The following PTH1R variants were observed in gnomAD, a reference collection of about 807,000 sequenced individuals.
PTH1R encodes the protein parathyroid hormone/parathyroid hormone-related peptide receptor.
PTH1R carries 32 observed loss-of-function variants against 70.7 expected under a neutral mutation model. That is an observed-to-expected ratio of 0.45 (90% confidence interval 0.34 to 0.61). The LOEUF is 0.61. PTH1R is among the 20% of genes least tolerant of loss of function. PTH1R has a pLI of 0.01. For missense variants in PTH1R, 626 were observed against 792.5 expected, an observed-to-expected ratio of 0.79 and a Z score of 2.52; for synonymous variants, 329 against 324.8, an observed-to-expected ratio of 1.01 and a Z score of -0.14.
rs1354907510 is a variant in PTH1R at position 46,883,586 on chromosome 3, C to T, written c.27C>T (p.Gly9=). The T allele has an allele frequency of 1.9e-6, 3 of 1,540,766 alleles. No homozygotes were observed. The highest frequency in any genetic ancestry group is 2.0e-5 in the Admixed American group (1 of 50,956). The change falls in exon 3 of 16, where the codon GGC becomes GGT. Residue 9 remains glycine, a synonymous_variant. Coordinates refer to ENST00000449590, the MANE Select transcript of PTH1R (RefSeq NM_000316.3). This position sits in a 1 kb window ranked among gnomAD's most constrained non-coding sequence, Gnocchi z 6.4. ...TGGGGACCGCCCGGATCGCACCCGG[C>T]CTGGCGCTCCTGCTCTGCTGCCCCG... MGTARIAP[G]LALLLCCPVL... is the part of the protein sequence containing the mutation.
At position 46,895,844 on chromosome 3, in the gene PTH1R, G is replaced by T; in HGVS notation, c.288G>T (p.Glu96Asp). The T allele has an allele frequency of 2.5e-6, 4 of 1,613,666 alleles. No homozygotes were observed. The highest frequency in any genetic ancestry group is 3.4e-6 in the Non-Finnish European group (4 of 1,180,026). ...ACCCTGAGTCTGAGGAGGACAAGGA[G>T]GCACCCACTGGCAGCAGGTACCGAG... The part of the protein sequence containing the change: ...KLYPESEEDK[E>D]APTGSRYRGR... The change falls in exon 5 of 16, where the codon GAG (glutamate) becomes GAT (aspartate). Residue 96 changes from glutamate to aspartate, a missense_variant. Glu to Asp is a conservative substitution (Grantham distance 45, BLOSUM62 2). Coordinates refer to ENST00000449590, the MANE Select transcript of PTH1R (RefSeq NM_000316.3).
chr3:46,890,229 C>T (rs1278401884), intron 3 of PTH1R, among the ~76,000 whole-genome samples: 1 of 152,166 alleles, frequency 6.6e-6, no homozygotes, highest in Non-Finnish European at 1.5e-5. Flanking sequence ...TCCCTGCCCC[C>T]AGTCCACCCT....
chr3:46,894,096 G>GA, intron 4 of PTH1R, 87 bp downstream of exon 4: 1 of 1,386,048 alleles, frequency 7.2e-7, no homozygotes, highest in Non-Finnish European at 1.0e-6. Flanking sequence ...AGAGCCAGGT[G>GA]AAGGCTCTCT....
rs1345547573 is a variant in PTH1R at position 46,903,471 on chromosome 3, C to T, written c.1597C>T (p.Gln533Ter). The change falls in exon 16 of 16, where the codon CAG (glutamine) becomes TAG (stop). Residue 533 changes from glutamine (Q) to a stop codon, truncating the protein, a stop_gained. Coordinates refer to ENST00000449590, the MANE Select transcript of PTH1R (RefSeq NM_000316.3). LOFTEE classifies it high-confidence loss of function. The surrounding 1 kb of genome is among the most constrained non-coding windows in gnomAD (Gnocchi z 4.4). ...LPTATTNGHP[Q>*]LPGHAKPGTP... The stretch of plus-strand genomic sequence containing the variant: ...CACTGCCACCACCAACGGCCACCCT[C>T]AGCTGCCTGGCCATGCCAAGCCAGG... 2 of 1,613,596 alleles carry T rather than the reference C, an allele frequency of 1.2e-6. No individual in the cohort carries two copies. Among genetic ancestry groups the T allele is most frequent in the Admixed American group, 1.7e-5 (1 of 60,006 alleles).
Position 46,902,866 on chromosome 3 carries a change from A to G in PTH1R, c.1395+76A>G, listed in dbSNP as rs1357233104. The G allele has an allele frequency of 6.4e-7, 1 of 1,570,924 alleles. No individual in the cohort carries two copies. The highest frequency in any genetic ancestry group is 8.7e-7 in the Non-Finnish European group (1 of 1,143,786). On this transcript the variant is annotated intron_variant, in intron 15 of 15. Transcript: ENST00000449590. This position sits in a 1 kb window ranked among gnomAD's most constrained non-coding sequence, Gnocchi z 5.4. ...AGGCTTCCTCAAGGCTCATTTCTCC[A>G]TTCTTCCACCCTGTTATTTCTTTGT...
chr3:46,893,642 C>G lies in PTH1R; in HGVS notation c.76-265C>G, dbSNP rs2031561051. On this transcript the variant is annotated intron_variant, in intron 3 of 15. Coordinates refer to ENST00000449590, the MANE Select transcript of PTH1R (RefSeq NM_000316.3). The surrounding 1 kb of genome is among the most constrained non-coding windows in gnomAD (Gnocchi z 5.2). ...GGACAGAGAATATCAGTGACTGCAGCCTACAGGGTTACTGGCGGGCAGGCA... is the reference window on the plus strand; with the variant it reads ...GGACAGAGAATATCAGTGACTGCAGGCTACAGGGTTACTGGCGGGCAGGCA... Among the ~76,000 whole-genome samples, 1 of 152,198 alleles carries G rather than the reference C, an allele frequency of 6.6e-6. No individual in the cohort carries two copies. Among genetic ancestry groups the G allele is most frequent in the Non-Finnish European group, 1.5e-5 (1 of 68,040 alleles).
Position 46,882,340 on chromosome 3 carries a change from GC to G in PTH1R, c.-48-1171del, listed in dbSNP as rs1310615789. 6.6e-6 allele frequency: 1 copy of G among 152,054 alleles called. No homozygotes were observed. Among genetic ancestry groups the G allele is most frequent in the Non-Finnish European group, 1.5e-5 (1 of 68,000 alleles). The allele number at this position is 152,054 out of a possible 1,614,324, so 9.4% of individuals were successfully genotyped here. ...GGGGCGCTGGAGGCCAGGCCGGCCA[GC>G]GGGGGGTATCCCGAGAGCTCCATGA... On this transcript the variant is annotated intron_variant, in intron 2 of 15. Coordinates refer to ENST00000449590, the MANE Select transcript of PTH1R (RefSeq NM_000316.3). This position sits in a 1 kb window ranked among gnomAD's most constrained non-coding sequence, Gnocchi z 4.3.
intron 1 of PTH1R, among the ~76,000 whole-genome samples, chr3:46,878,637 G>T (rs2030375324): frequency 6.6e-6 from 1 of 152,174 alleles, no homozygotes; most frequent in Non-Finnish European, 1.5e-5. Flanking sequence ...AGGGAGGAAG[G>T]CCAGGCTGCA....
In PTH1R at chr3:46,893,249, G is replaced by C. The variant is rs1046665881; in HGVS notation, c.76-658G>C. ...GGAGGGAGCTCCCAGATAAGCAGTGGAATGAGAGGGACTCCCACCCCCAGC... is the reference window on the plus strand; with the variant it reads ...GGAGGGAGCTCCCAGATAAGCAGTGCAATGAGAGGGACTCCCACCCCCAGC... On this transcript the variant is annotated intron_variant, in intron 3 of 15. Transcript: ENST00000449590. This position sits in a 1 kb window ranked among gnomAD's most constrained non-coding sequence, Gnocchi z 5.2. Among the ~76,000 whole-genome samples, 2 of 152,116 alleles carry C rather than the reference G, an allele frequency of 1.3e-5. No individual in the cohort carries two copies. Among genetic ancestry groups the C allele is most frequent in the Non-Finnish European group, 2.9e-5 (2 of 68,008 alleles).
chr3:46,902,804 A>G lies in PTH1R; in HGVS notation c.1395+14A>G. On this transcript the variant is annotated intron_variant, in intron 15 of 15. Coordinates refer to ENST00000449590, the MANE Select transcript of PTH1R (RefSeq NM_000316.3). The surrounding 1 kb of genome is among the most constrained non-coding windows in gnomAD (Gnocchi z 5.4). Reference sequence around the variant, plus strand: ...TGCAATGGCGAGGTAAGCAGGAGACAGTGTTGGCATAGGGCAGGGTGGGGC... The same window carrying G: ...TGCAATGGCGAGGTAAGCAGGAGACGGTGTTGGCATAGGGCAGGGTGGGGC... 6.2e-7 allele frequency: 1 copy of G among 1,613,550 alleles called. No homozygotes were observed. The highest frequency in any genetic ancestry group is 8.5e-7 in the Non-Finnish European group (1 of 1,179,964).
chr3:46,887,617 G>A (rs1007623873), intron 3 of PTH1R, among the ~76,000 whole-genome samples: 2 of 151,966 alleles, frequency 1.3e-5, no homozygotes, highest in Admixed American at 6.6e-5. Flanking sequence ...TTTCCAAATG[G>A]TACCTCTTTG....
chr3:46,898,185 G>A lies in PTH1R; in HGVS notation c.536G>A (p.Arg179His), dbSNP rs768504854. The change falls in exon 7 of 16, where the codon CGT becomes CAT. Residue 179 changes from arginine to histidine, a missense_variant. Physicochemically the swap from Arg to His is conservative, Grantham distance 29. Coordinates refer to ENST00000449590, the MANE Select transcript of PTH1R (RefSeq NM_000316.3). ...GTCAAATTTCTCACCAATGAGACTC[G>A]TGAACGGGTGCGAGCCTTTCTCCTC... is the stretch of plus-strand genomic sequence containing the variant. Reference protein sequence around the residue: ...ECVKFLTNETREREVFDRLGM... With the variant: ...ECVKFLTNETHEREVFDRLGM... 11 of 1,614,098 alleles carry A rather than the reference G, an allele frequency of 6.8e-6. No homozygotes were observed. The highest frequency in any genetic ancestry group is 9.3e-6 in the Non-Finnish European group (11 of 1,179,972).
In PTH1R at chr3:46,877,861, G is replaced by C. The variant is rs74525216; in HGVS notation, c.-106+18G>C. 6.1e-4 allele frequency: 93 copies of C among 152,408 alleles called. No homozygotes were observed. Among genetic ancestry groups the C allele is most frequent in the African/African-American group, 2.2e-3 (91 of 41,584 alleles). The allele number at this position is 152,408 out of a possible 1,614,324, so 9.4% of individuals were successfully genotyped here. The stretch of plus-strand genomic sequence containing the variant: ...GGCTGCAGGTGAGTGGGGGCCAGGG[G>C]AGCCTAGGGGCCTGAGCACAGCTGG... On this transcript the variant is annotated intron_variant, in intron 1 of 15. Coordinates refer to ENST00000449590, the MANE Select transcript of PTH1R (RefSeq NM_000316.3).
chr3:46,898,499 G>A (rs763743379), intron 8 of PTH1R, 27 bp downstream of exon 8: 40 of 1,611,566 alleles, frequency 2.5e-5, no homozygotes, highest in Middle Eastern at 1.7e-4. Flanking sequence ...GAGAGGCGGC[G>A]GGACATGGTG....
intron 5 of PTH1R, among the ~76,000 whole-genome samples, chr3:46,897,276 C>T (rs1485270382): frequency 6.6e-6 from 1 of 152,258 alleles, no homozygotes; most frequent in Non-Finnish European, 1.5e-5. Flanking sequence ...CTCTTGGCCT[C>T]TGTCAGCCCA....
Position 46,893,462 on chromosome 3 carries a change from T to G in PTH1R, c.76-445T>G, listed in dbSNP as rs1448457252. ...CCAAGACCCCCCAGGGTGCCAGGACTTGAAGGACTCCAGGCTGGGTTTGTC... is the reference window on the plus strand; with the variant it reads ...CCAAGACCCCCCAGGGTGCCAGGACGTGAAGGACTCCAGGCTGGGTTTGTC... On this transcript the variant is annotated intron_variant, in intron 3 of 15. Transcript: ENST00000449590. This position sits in a 1 kb window ranked among gnomAD's most constrained non-coding sequence, Gnocchi z 5.2. Among the ~76,000 whole-genome samples the G allele has an allele frequency of 6.6e-6, 1 of 152,094 alleles. No individual in the cohort carries two copies. The highest frequency in any genetic ancestry group is 2.4e-5 in the African/African-American group (1 of 41,404).
chr3:46,903,518 C>T lies in PTH1R; in HGVS notation c.1644C>T (p.Leu548=), dbSNP rs138646765. 1.0e-4 allele frequency: 166 copies of T among 1,613,942 alleles called. 3 individuals are homozygous for T. The highest frequency in any genetic ancestry group is 6.6e-4 in the Middle Eastern group (4 of 6,062). ...CAGGGACCCCAGCCCTGGAGACCCTCGAGACCACACCACCTGCCATGGCTG... is the reference window on the plus strand; with the variant it reads ...CAGGGACCCCAGCCCTGGAGACCCTTGAGACCACACCACCTGCCATGGCTG... ...AKPGTPALET[L]ETTPPAMAAP... Residue 548 remains leucine, a synonymous_variant, in exon 16 of 16, where the codon CTC becomes CTT. Coordinates refer to ENST00000449590, the MANE Select transcript of PTH1R (RefSeq NM_000316.3). This position sits in a 1 kb window ranked among gnomAD's most constrained non-coding sequence, Gnocchi z 4.4.
In PTH1R at chr3:46,884,487, G is replaced by A. The variant is rs1384461061; in HGVS notation, c.75+853G>A. ...AGTGGGCAGCACCTCCTCCTCCTGG[G>A]CCAGGGTCTGGGGCCCACTTGCTGG... On this transcript the variant is annotated intron_variant, in intron 3 of 15. Coordinates refer to ENST00000449590, the MANE Select transcript of PTH1R (RefSeq NM_000316.3). This position sits in a 1 kb window ranked among gnomAD's most constrained non-coding sequence, Gnocchi z 4.8. 6.6e-6 allele frequency among the ~76,000 whole-genome samples: 1 copy of A among 152,140 alleles called. No individual in the cohort carries two copies. The highest frequency in any genetic ancestry group is 1.9e-4 in the East Asian group (1 of 5,186).
chr3:46,898,337 G>C, intron 7 of PTH1R, 41 bp from the exon 8 acceptor site: 2 of 1,602,374 alleles, frequency 1.2e-6, no homozygotes, highest in Non-Finnish European at 1.7e-6. Context: ...GCTCTCCCTG[G>C]GTCCCAGGGC....
Sources: allele counts gnomAD v4.1 joint callset (sites outside exome capture counted in the v4.1 genomes callset), GRCh38; gene constraint gnomAD v4.1.1; non-coding constraint Gnocchi (gnomAD v3.1); transcripts MANE v1.5; gene names NCBI Gene and HGNC (gene_info 2026-07-23, HGNC 2026-07-21).